TMEM185B: variants seen among roughly 807,000 people sequenced by gnomAD.
TMEM185B encodes ee3_2.
Under a neutral mutation model 26.2 loss-of-function variants are expected in TMEM185B, and 9 were observed. The observed-to-expected ratio is 0.34, with a 90% CI of 0.21 to 0.60. TMEM185B has a LOEUF of 0.60. Ranked by LOEUF, TMEM185B falls within the 20% of genes least tolerant of loss-of-function variation. The pLI is 0.80. For missense variants in TMEM185B, 392 were observed against 447.9 expected (o/e 0.88, Z 1.13); for synonymous variants, 204 against 191.8 (o/e 1.06, Z -0.52).
chr2:120,223,012 C>A lies in TMEM185B; in HGVS notation c.-36G>T, dbSNP rs1688618302. 28 of 1,344,148 alleles carry A rather than the reference C, an allele frequency of 2.1e-5. No homozygotes were observed. The highest frequency in any genetic ancestry group is 2.7e-5 in the Non-Finnish European group (28 of 1,047,858). The allele number at this position is 1,344,148 out of a possible 1,614,324, so 83.3% of individuals were successfully genotyped here. ...GCCGCTTGCCTGCCCGGGCCTGCTC[C>A]CTCGCGACGCTCGGCGCTCGCGTCT... On this transcript the variant is annotated 5_prime_UTR_variant, in exon 1 of 1. Coordinates refer to ENST00000426077, the MANE Select transcript of TMEM185B (RefSeq NM_024121.3).
At position 120,222,214 on chromosome 2, in the gene TMEM185B, G is replaced by A. The variant is rs1304815443; in HGVS notation, c.763C>T (p.Leu255=). 1.9e-6 allele frequency: 3 copies of A among 1,539,272 alleles called. No individual in the cohort carries two copies. Among genetic ancestry groups the A allele is most frequent in the Non-Finnish European group, 2.6e-6 (3 of 1,147,564 alleles). The change falls in exon 1 of 1, where the codon CTA becomes TTA. Residue 255 remains leucine, a synonymous_variant. Transcript: ENST00000426077. ...SIFVPLWLSL[L]TLMATTFRRK... ...CTAAATGTTGTGGCCATTAAAGTTA[G>A]TAAGGAAAGCCAAAGGGGGACAAAT...
chr2:120,223,252 CG>C lies in TMEM185B; in HGVS notation c.-277del. 1 of 262,040 alleles carries C rather than the reference CG, an allele frequency of 3.8e-6. No homozygotes were observed. Among genetic ancestry groups the C allele is most frequent in the Non-Finnish European group, 7.2e-6 (1 of 139,222 alleles). The allele number at this position is 262,040 out of a possible 1,614,324, so 16.2% of individuals were successfully genotyped here. ...TACAAACTGGGCGCTGCCTCGGTCCCGCCGCCGCCCGCGTTCACTCCGTACC... is the reference window on the plus strand; with the variant it reads ...TACAAACTGGGCGCTGCCTCGGTCCCCCGCCGCCCGCGTTCACTCCGTACC... On this transcript the variant is annotated 5_prime_UTR_variant, in exon 1 of 1. Coordinates refer to ENST00000426077, the MANE Select transcript of TMEM185B (RefSeq NM_024121.3).
In TMEM185B at chr2:120,223,067, G is replaced by T; in HGVS notation, c.-91C>A. 9.6e-7 allele frequency: 1 copy of T among 1,046,002 alleles called. No homozygotes were observed. The highest frequency in any genetic ancestry group is 1.2e-6 in the Non-Finnish European group (1 of 802,760). The allele number at this position is 1,046,002 out of a possible 1,614,324, so 64.8% of individuals were successfully genotyped here. A position where few individuals can be genotyped will look rare whatever the true frequency, so the allele number is the denominator to read the frequency against. ...GGCTTCTCCGGCCGCCGCCTCCCGG[G>T]CCCCGCCCAAGCCGGCTCCGCGTGG... On this transcript the variant is annotated 5_prime_UTR_variant, in exon 1 of 1. Transcript: ENST00000426077.
In TMEM185B at chr2:120,219,820, C is replaced by T. The variant is rs1479967324; in HGVS notation, c.*2104G>A. Among the ~76,000 whole-genome samples the T allele has an allele frequency of 6.6e-6, 1 of 152,264 alleles. No individual in the cohort carries two copies. The highest frequency in any genetic ancestry group is 2.4e-5 in the African/African-American group (1 of 41,470). On this transcript the variant is annotated 3_prime_UTR_variant, in exon 1 of 1. Coordinates refer to ENST00000426077, the MANE Select transcript of TMEM185B (RefSeq NM_024121.3). ...CTTTGTGGGTGCAGCTCACACTTCT[C>T]ACCGTACAGGACACTTTGCATGGGC...
At position 120,217,824 on chromosome 2, in the gene TMEM185B, C is replaced by A. The variant is rs955144976; in HGVS notation, c.*4100G>T. On this transcript the variant is annotated 3_prime_UTR_variant, in exon 1 of 1. Transcript: ENST00000426077. ...CCCATACATTCTAGAACAGAGAGAG[C>A]CATGACCAAACCAGAGGGAGAGACA... Among the ~76,000 whole-genome samples the A allele has an allele frequency of 1.3e-5, 2 of 152,186 alleles. No homozygotes were observed. Among genetic ancestry groups the A allele is most frequent in the African/African-American group, 4.8e-5 (2 of 41,432 alleles).
rs1369442534 is a variant in TMEM185B at position 120,223,143 on chromosome 2, C to T, written c.-167G>A. The T allele has an allele frequency of 2.2e-6, 1 of 465,000 alleles. No homozygotes were observed. Among genetic ancestry groups the T allele is most frequent in the Non-Finnish European group, 3.5e-6 (1 of 289,166 alleles). 28.8% of individuals were successfully genotyped at this position (465,000 alleles called of 1,614,324 possible). A position where few individuals can be genotyped will look rare whatever the true frequency, so the allele number is the denominator to read the frequency against. On this transcript the variant is annotated 5_prime_UTR_variant, in exon 1 of 1. Transcript: ENST00000426077. ...GGTTCGGAGCGGCGAAGCGGAGAGG[C>T]CGGAACACGTGCACGCGCGGTCACG...
rs368587119 is a variant in TMEM185B at position 120,220,874 on chromosome 2, C to T, written c.*1050G>A. On this transcript the variant is annotated 3_prime_UTR_variant, in exon 1 of 1. Coordinates refer to ENST00000426077, the MANE Select transcript of TMEM185B (RefSeq NM_024121.3). ...TTGGCCCTTAAAATGACACCTGCTTCTACTGACCACTTCCGGTTAAGGCCA... is the reference window on the plus strand; with the variant it reads ...TTGGCCCTTAAAATGACACCTGCTTTTACTGACCACTTCCGGTTAAGGCCA... Among the ~76,000 whole-genome samples, 18 of 152,328 alleles carry T rather than the reference C, an allele frequency of 1.2e-4. 1 individual carries two copies. In the South Asian group the frequency reaches 3.7e-3, roughly 32 times the overall value.
chr2:120,223,168 G>T lies in TMEM185B; in HGVS notation c.-192C>A, dbSNP rs1225067041. ...CCGGAACACGTGCACGCGCGGTCAC[G>T]TGGCCCGGCCGGAAGCGCGCTGGGG... On this transcript the variant is annotated 5_prime_UTR_variant, in exon 1 of 1. Coordinates refer to ENST00000426077, the MANE Select transcript of TMEM185B (RefSeq NM_024121.3). 1.0e-5 allele frequency: 4 copies of T among 398,514 alleles called. No individual in the cohort carries two copies. The highest frequency in any genetic ancestry group is 6.3e-5 in the African/African-American group (3 of 47,972). The allele number at this position is 398,514 out of a possible 1,614,324, so 24.7% of individuals were successfully genotyped here. A position where few individuals can be genotyped will look rare whatever the true frequency, so the allele number is the denominator to read the frequency against.
Position 120,222,569 on chromosome 2 carries a change from G to A in TMEM185B, c.408C>T (p.His136=), listed in dbSNP as rs1383909083. 5 of 1,536,332 alleles carry A rather than the reference G, an allele frequency of 3.3e-6. No individual in the cohort carries two copies. Among genetic ancestry groups the A allele is most frequent in the African/African-American group, 2.7e-5 (2 of 73,044 alleles). ...SVAACVWGFR[H]DRSLELEILC... is the part of the protein sequence containing the mutation. ...GGATCTCCAGCTCCAGCGACCTATC[G>A]TGTCGAAAGCCCCAGACGCAGGCAG... The change falls in exon 1 of 1, where the codon CAC becomes CAT. Residue 136 remains histidine (H), a synonymous_variant. Transcript: ENST00000426077.
At position 120,222,215 on chromosome 2, in the gene TMEM185B, T is replaced by C. The variant is rs1325372788; in HGVS notation, c.762A>G (p.Leu254=). 11 of 1,538,884 alleles carry C rather than the reference T, an allele frequency of 7.1e-6. No homozygotes were observed. The highest frequency in any genetic ancestry group is 8.7e-7 in the Non-Finnish European group (1 of 1,147,512). ...TAAATGTTGTGGCCATTAAAGTTAGTAAGGAAAGCCAAAGGGGGACAAATA... is the reference window on the plus strand; with the variant it reads ...TAAATGTTGTGGCCATTAAAGTTAGCAAGGAAAGCCAAAGGGGGACAAATA... ...VSIFVPLWLS[L]LTLMATTFRR... Residue 254 remains leucine, a synonymous_variant, in exon 1 of 1, where the codon TTA becomes TTG. Coordinates refer to ENST00000426077, the MANE Select transcript of TMEM185B (RefSeq NM_024121.3).
Position 120,223,136 on chromosome 2 carries a change from G to C in TMEM185B, c.-160C>G. 1 of 488,486 alleles carries C rather than the reference G, an allele frequency of 2.0e-6. No homozygotes were observed. Among genetic ancestry groups the C allele is most frequent in the South Asian group, 8.4e-5 (1 of 11,966 alleles). The allele number at this position is 488,486 out of a possible 1,614,324, so 30.3% of individuals were successfully genotyped here. ...AGGAGGAGGTTCGGAGCGGCGAAGC[G>C]GAGAGGCCGGAACACGTGCACGCGC... On this transcript the variant is annotated 5_prime_UTR_variant, in exon 1 of 1. Coordinates refer to ENST00000426077, the MANE Select transcript of TMEM185B (RefSeq NM_024121.3).
In TMEM185B at chr2:120,217,618, C is replaced by T. The variant is rs770212052; in HGVS notation, c.*4306G>A. 2.2e-4 allele frequency among the ~76,000 whole-genome samples: 33 copies of T among 152,326 alleles called. No individual in the cohort carries two copies. Among genetic ancestry groups the T allele is most frequent in the Non-Finnish European group, 4.0e-4 (27 of 68,026 alleles). ...GGCATCGTTTTACATTTTTGCAGATCCTTAAAGCCTGGCTTAACAGAAGGC... is the reference window on the plus strand; with the variant it reads ...GGCATCGTTTTACATTTTTGCAGATTCTTAAAGCCTGGCTTAACAGAAGGC... On this transcript the variant is annotated 3_prime_UTR_variant, in exon 1 of 1. Transcript: ENST00000426077.
In TMEM185B at chr2:120,222,026, T is replaced by C; in HGVS notation, c.951A>G (p.Lys317=). The C allele has an allele frequency of 6.5e-7, 1 of 1,543,372 alleles. No individual in the cohort carries two copies. Among genetic ancestry groups the C allele is most frequent in the Non-Finnish European group, 8.7e-7 (1 of 1,146,948 alleles). Residue 317 remains lysine (K), a synonymous_variant, in exon 1 of 1, where the codon AAA becomes AAG. Transcript: ENST00000426077. ...AEETSVPEAP[K]IAPIFGKKAR... ...CCTTCTTTCCAAATATTGGAGCAAT[T>C]TTCGGAGCTTCTGGAACTGATGTTT...
In TMEM185B at chr2:120,217,608, T is replaced by G. The variant is rs1688523811; in HGVS notation, c.*4316A>C. ...CAGTAGGAGTGGCATCGTTTTACAT[T>G]TTTGCAGATCCTTAAAGCCTGGCTT... On this transcript the variant is annotated 3_prime_UTR_variant, in exon 1 of 1. Coordinates refer to ENST00000426077, the MANE Select transcript of TMEM185B (RefSeq NM_024121.3). 6.6e-6 allele frequency among the ~76,000 whole-genome samples: 1 copy of G among 152,244 alleles called. No homozygotes were observed. Among genetic ancestry groups the G allele is most frequent in the Non-Finnish European group, 1.5e-5 (1 of 68,046 alleles).
chr2:120,222,657 C>G lies in TMEM185B; in HGVS notation c.320G>C (p.Arg107Thr), dbSNP rs1688609162. The G allele has an allele frequency of 6.5e-7, 1 of 1,536,360 alleles. No homozygotes were observed. ...GACCAGCAGCCAGAAGTGGGTGCCC[C>G]TCTCCACCCTGTCGCAGACCAGGAC... ...FEVLVCDRVE[R>T]GTHFWLLVFM... The change falls in exon 1 of 1, where the codon AGG becomes ACG. Residue 107 changes from arginine (R) to threonine (T), a missense_variant. By Grantham distance (71) the Arg-to-Thr change is moderately conservative. Transcript: ENST00000426077.
rs1173060895 is a variant in TMEM185B at position 120,221,360 on chromosome 2, T to C, written c.*564A>G. 1 of 152,416 alleles carries C rather than the reference T, an allele frequency of 6.6e-6. No individual in the cohort carries two copies. The highest frequency in any genetic ancestry group is 1.5e-5 in the Non-Finnish European group (1 of 68,202). 9.4% of individuals were successfully genotyped at this position (152,416 alleles called of 1,614,324 possible). A position where few individuals can be genotyped will look rare whatever the true frequency, so the allele number is the denominator to read the frequency against. ...ACATATTACACTGCTAAAATATTCA[T>C]ATAAATACTATATATGCATGGGTTC... On this transcript the variant is annotated 3_prime_UTR_variant, in exon 1 of 1. Coordinates refer to ENST00000426077, the MANE Select transcript of TMEM185B (RefSeq NM_024121.3).
In TMEM185B at chr2:120,222,050, T is replaced by C. The variant is rs771704725; in HGVS notation, c.927A>G (p.Glu309=). 7.1e-6 allele frequency: 11 copies of C among 1,546,726 alleles called. No individual in the cohort carries two copies. The South Asian group carries it at 1.3e-4, about 18-fold the overall frequency. The change falls in exon 1 of 1, where the codon GAA becomes GAG. Residue 309 remains glutamate, a synonymous_variant. Transcript: ENST00000426077. The stretch of plus-strand genomic sequence containing the variant: ...TTTTCGGAGCTTCTGGAACTGATGT[T>C]TCTTCAGCATCTTCACTATCTTCGT... ...LHHEDSEDAE[E]TSVPEAPKIA...
At position 120,222,231 on chromosome 2, in the gene TMEM185B, G is replaced by C. The variant is rs1205997317; in HGVS notation, c.746C>G (p.Pro249Arg). ...NTFSYVSIFV[P>R]LWLSLLTLMA... Reference sequence around the variant, plus strand: ...TAAAGTTAGTAAGGAAAGCCAAAGGGGGACAAATATGGAGACGTAGGAGAA... The same window carrying C: ...TAAAGTTAGTAAGGAAAGCCAAAGGCGGACAAATATGGAGACGTAGGAGAA... Residue 249 changes from proline to arginine, a missense_variant, in exon 1 of 1, where the codon CCC (proline) becomes CGC (arginine). Pro to Arg is a moderately radical substitution (Grantham distance 103, BLOSUM62 -2). Around this residue, in one of 3 missense-constraint regions of TMEM185B, gnomAD observed 176 missense variants for 201.6 expected, o/e 0.87. Coordinates refer to ENST00000426077, the MANE Select transcript of TMEM185B (RefSeq NM_024121.3). 1 of 1,537,544 alleles carries C rather than the reference G, an allele frequency of 6.5e-7. No individual in the cohort carries two copies. The highest frequency in any genetic ancestry group is 1.4e-5 in the African/African-American group (1 of 73,150).
rs367892369 is a variant in TMEM185B, at chr2:120,222,365, G to A, written c.612C>T (p.Ala204=). Residue 204 remains alanine (A), a synonymous_variant, in exon 1 of 1, where the codon GCC becomes GCT. Coordinates refer to ENST00000426077, the MANE Select transcript of TMEM185B (RefSeq NM_024121.3). Reference sequence around the variant, plus strand: ...TGGTCACGTGTGTTCTCCGCTGCTCGGCAACCACATCCAGGGACCGCAGGA... The same window carrying A: ...TGGTCACGTGTGTTCTCCGCTGCTCAGCAACCACATCCAGGGACCGCAGGA... ...LLFLRSLDVV[A]EQRRTHVTMA... The A allele has an allele frequency of 7.2e-6, 11 of 1,536,110 alleles. No homozygotes were observed. Among genetic ancestry groups the A allele is most frequent in the East Asian group, 2.4e-5 (1 of 40,914 alleles).
Sources: gnomAD v4.1 joint callset for allele counts (sites outside exome capture counted in the v4.1 genomes callset) on GRCh38, gnomAD v4.1.1 for gene constraint, gnomAD v4.1.1 regional missense constraint, MANE v1.5 for transcripts, NCBI Gene and HGNC (gene_info 2026-07-23, HGNC 2026-07-21) for gene names.